Variants in YWHAZ observed in about 807,000 individuals in gnomAD.
YWHAZ encodes the protein 14-3-3 protein zeta/delta.
For missense variants in YWHAZ, 79 were observed against 284.8 expected (o/e 0.28, Z 5.20); for synonymous variants, 87 against 103.6 (o/e 0.84, Z 0.97).
intron 2 of YWHAZ, among the ~76,000 whole-genome samples, chr8:100,939,331 G>T (rs749077136): frequency 9.2e-5 from 14 of 152,172 alleles, no homozygotes; most frequent in South Asian, 6.2e-4. Flanking sequence ...AATCATGAAT[G>T]CTAGCAAAAT....
intron 2 of YWHAZ, among the ~76,000 whole-genome samples, chr8:100,947,886 T>G (rs1563690791): frequency 6.6e-6 from 1 of 152,222 alleles, no homozygotes; most frequent in Non-Finnish European, 1.5e-5. Context: ...TCCTCAAATT[T>G]AAACTATTCT....
chr8:100,948,477 A>C lies in YWHAZ; in HGVS notation c.294+119T>G. The C allele has an allele frequency of 8.5e-7, 1 of 1,173,294 alleles. No homozygotes were observed. 72.7% of individuals were successfully genotyped at this position (1,173,294 alleles called of 1,614,324 possible). On this transcript the variant is annotated intron_variant, in intron 2 of 5. Transcript: ENST00000395958. This position sits in a 1 kb window ranked among gnomAD's most constrained non-coding sequence, Gnocchi z 4.2. ...AGTCATGACACCATGAAGACTTTTA[A>C]ATTTGGAACACACAATGTTTAGAAG...
chr8:100,936,138 A>C (rs1814131472), intron 2 of YWHAZ, among the ~76,000 whole-genome samples: 1 of 152,170 alleles, frequency 6.6e-6, no homozygotes, highest in Non-Finnish European at 1.5e-5. Context: ...CAACTAGAAC[A>C]CAAGAAGCCA....
Position 100,920,176 on chromosome 8 carries a change from T to C in YWHAZ, c.*517A>G, listed in dbSNP as rs1192314893. On this transcript the variant is annotated 3_prime_UTR_variant, in exon 6 of 6. Transcript: ENST00000395958. ...TAAAGGAACACTTCTGCAGCTGTAG[T>C]CAAAGGTGTACACATTGAGTATTCC... is the stretch of plus-strand genomic sequence containing the variant. 1 of 153,162 alleles carries C rather than the reference T, an allele frequency of 6.5e-6. No individual in the cohort carries two copies. The highest frequency in any genetic ancestry group is 1.5e-5 in the Non-Finnish European group (1 of 68,474). 9.5% of individuals were successfully genotyped at this position (153,162 alleles called of 1,614,324 possible). A position where few individuals can be genotyped will look rare whatever the true frequency, so the allele number is the denominator to read the frequency against.
At chr8:100,951,306 C>T (rs1447769063) in intron 1 of YWHAZ, 1 of 984,622 alleles carries the variant, frequency 1.0e-6, no homozygotes, top group African/African-American at 1.8e-5. Flanking sequence ...GCGCTTGGGT[C>T]CCCGAGGCCC....
chr8:100,942,448 C>T (rs1809937627), intron 2 of YWHAZ, among the ~76,000 whole-genome samples: 2 of 152,134 alleles, frequency 1.3e-5, no homozygotes, highest in South Asian at 2.1e-4. Context: ...TAGAAATACA[C>T]ATAATAAAAA....
intron 2 of YWHAZ, 82 bp from the exon 3 acceptor site, chr8:100,925,121 A>C: frequency 1.4e-6 from 2 of 1,426,274 alleles, no homozygotes; most frequent in Non-Finnish European, 1.9e-6. Flanking sequence ...AGAACAAACT[A>C]TAGCCTAAGT....
Position 100,934,355 on chromosome 8 carries a change from C to CCTTTTTTTTT in YWHAZ, c.295-9317_295-9316insAAAAAAAAAG, listed in dbSNP as rs2130224236. ...TTTTTTTTTTAAAAGGAGGGTCTGGCTAAGTAAGTTGCTACATACCCAAAT... is the reference window on the plus strand; with the variant it reads ...TTTTTTTTTTAAAAGGAGGGTCTGGCCTTTTTTTTTTAAGTAAGTTGCTACATACCCAAAT... On this transcript the variant is annotated intron_variant, in intron 2 of 5. Coordinates refer to ENST00000395958, the MANE Select transcript of YWHAZ (RefSeq NM_145690.3). Among the ~76,000 whole-genome samples the CCTTTTTTTTT allele has an allele frequency of 2.0e-5, 3 of 147,780 alleles. No individual in the cohort carries two copies. The South Asian group carries it at 6.4e-4, about 32-fold the overall frequency.
At position 100,936,070 on chromosome 8, in the gene YWHAZ, A is replaced by T. The variant is rs116737732; in HGVS notation, c.295-11031T>A. On this transcript the variant is annotated intron_variant, in intron 2 of 5. Transcript: ENST00000395958. ...TACATTCACCTCAGTCCTGAAGAAT[A>T]GCCAACCTGCCACTATACACTCAAA... Among the ~76,000 whole-genome samples the T allele has an allele frequency of 1.4e-3, 209 of 152,368 alleles. 1 individual carries two copies. The highest frequency in any genetic ancestry group is 4.7e-3 in the African/African-American group (194 of 41,586).
chr8:100,950,546 C>T, intron 1 of YWHAZ: 1 of 985,558 alleles, frequency 1.0e-6, no homozygotes, highest in Non-Finnish European at 1.2e-6. Context: ...CCCGACTCTC[C>T]TCCTTTGTCA....
At chr8:100,952,685 C>T (rs1347683023), upstream of YWHAZ, 1 of 677,998 alleles carries the variant, frequency 1.5e-6, no homozygotes, top group East Asian at 1.4e-4. Context: ...GTGATCAGGA[C>T]TTGCGGGGCG....
At chr8:100,939,452 G>C (rs1814454646) in intron 2 of YWHAZ, among the ~76,000 whole-genome samples, 1 of 151,962 alleles carries the variant, frequency 6.6e-6, no homozygotes, top group Non-Finnish European at 1.5e-5. Context: ...CTGAGGTCAG[G>C]AGTTCAAGAC....
At position 100,951,959 on chromosome 8, in the gene YWHAZ, G is replaced by A. The variant is rs1324395779; in HGVS notation, c.-42C>T. 6.0e-6 allele frequency: 6 copies of A among 1,001,976 alleles called. No individual in the cohort carries two copies. In the African/African-American group the frequency reaches 8.7e-5, roughly 15 times the overall value. 62.1% of individuals were successfully genotyped at this position (1,001,976 alleles called of 1,614,324 possible). The stretch of plus-strand genomic sequence containing the variant: ...TCCGGAGTGGGTGGTGGCGGCGGAC[G>A]GACGGGCTCAGCAGTCTCTGGGCGG... On this transcript the variant is annotated 5_prime_UTR_variant, in exon 1 of 6. Coordinates refer to ENST00000395958, the MANE Select transcript of YWHAZ (RefSeq NM_145690.3).
chr8:100,927,043 G>A (rs566094253), intron 2 of YWHAZ, among the ~76,000 whole-genome samples: 36 of 152,306 alleles, frequency 2.4e-4, no homozygotes, highest in African/African-American at 7.7e-4. Context: ...TATCTCACCT[G>A]TAAGGCAGAG....
At chr8:100,934,750 T>A (rs1294877178) in intron 2 of YWHAZ, 1 of 152,140 alleles carries the variant, frequency 6.6e-6, no homozygotes, top group Non-Finnish European at 1.5e-5. Flanking sequence ...AAGTGTGTAG[T>A]TTTGTACAAT....
chr8:100,928,832 C>T (rs979241987), intron 2 of YWHAZ, among the ~76,000 whole-genome samples: 9 of 151,882 alleles, frequency 5.9e-5, no homozygotes, highest in South Asian at 2.1e-4. Context: ...AAAGTTATGG[C>T]GAGTATACTA....
intron 5 of YWHAZ, among the ~76,000 whole-genome samples, chr8:100,920,977 TAA>T (rs1323024678): frequency 2.6e-5 from 4 of 152,204 alleles, no homozygotes; most frequent in Non-Finnish European, 5.9e-5. Flanking sequence ...TGCCTTCAAA[TAA>T]CCTTCAGATA....
intron 1 of YWHAZ, chr8:100,951,175 CA>C (rs1810735287): frequency 2.0e-6 from 2 of 985,216 alleles, no homozygotes; most frequent in Admixed American, 1.2e-4. Flanking sequence ...AGCCCCACCC[CA>C]AAACCTCACC....
At chr8:100,930,662 A>G (rs548744487) in intron 2 of YWHAZ, among the ~76,000 whole-genome samples, 2 of 152,208 alleles carry the variant, frequency 1.3e-5, no homozygotes, top group Non-Finnish European at 2.9e-5. Context: ...CCCTCCCATT[A>G]ATTTTTTTAA....
Sources: allele counts gnomAD v4.1 joint callset (sites outside exome capture counted in the v4.1 genomes callset), GRCh38; gene constraint gnomAD v4.1.1; non-coding constraint Gnocchi (gnomAD v3.1); transcripts MANE v1.5; gene names NCBI Gene and HGNC (gene_info 2026-07-23, HGNC 2026-07-21).